The following NIBAN1 variants were observed in gnomAD, a reference collection of about 807,000 sequenced individuals.
The protein encoded by NIBAN1 is niban apoptosis regulator 1.
A neutral mutation model predicts 75.1 loss-of-function variants in NIBAN1; 81 were observed. The observed-to-expected ratio is 1.08, with a 90% confidence interval of 0.90 to 1.30. NIBAN1 has a LOEUF of 1.30. Ranked by LOEUF, NIBAN1 falls within the 50% of genes most tolerant of loss-of-function variation. The probability of loss-of-function intolerance (pLI) is 0.00; values close to 1 mark genes in which losing one functional copy is unlikely to be tolerated. For synonymous variants in NIBAN1, 436 were observed against 424.8 expected, an observed-to-expected ratio of 1.03 and a Z score of -0.32; for missense variants, 1,133 against 1,128.1, an observed-to-expected ratio of 1.00 and a Z score of -0.06.
chr1:184,895,871 G>A (rs1656784854), intron 2 of NIBAN1, among the ~76,000 whole-genome samples: 1 of 152,142 alleles, frequency 6.6e-6, no homozygotes, highest in South Asian at 2.1e-4. Flanking sequence ...CTCCATCCAT[G>A]TTGTTGCAAA....
intron 5 of NIBAN1, among the ~76,000 whole-genome samples, chr1:184,872,459 AT>A (rs1211232111): frequency 6.6e-6 from 1 of 152,224 alleles, no homozygotes; most frequent in East Asian, 1.9e-4. Context: ...TAATGCCAGC[AT>A]TTTGGGAGGC....
intron 4 of NIBAN1, among the ~76,000 whole-genome samples, chr1:184,888,417 T>G (rs1287368606): frequency 1.3e-5 from 2 of 152,182 alleles, no homozygotes; most frequent in Non-Finnish European, 2.9e-5. Context: ...CATTGATCCT[T>G]TGCATTTAAA....
chr1:184,798,298 A>G (rs968858961), intron 12 of NIBAN1, 108 bp from the exon 13 acceptor site: 41 of 645,112 alleles, frequency 6.4e-5, no homozygotes, highest in South Asian at 3.7e-4. Context: ...CTTGGAGGGC[A>G]TAAGAGAAGG....
At chr1:184,831,006 A>AT (rs1286018542) in intron 6 of NIBAN1, among the ~76,000 whole-genome samples, 4 of 151,622 alleles carry the variant, frequency 2.6e-5, no homozygotes, top group Non-Finnish European at 5.9e-5. Context: ...CTCAAAAAAA[A>AT]AAAAATAGCA....
intron 9 of NIBAN1, among the ~76,000 whole-genome samples, chr1:184,815,878 G>A (rs1019147865): frequency 3.9e-5 from 6 of 152,174 alleles, no homozygotes; most frequent in Non-Finnish European, 8.8e-5. Flanking sequence ...TAGACTAAAA[G>A]GCAATAATTA....
At chr1:184,933,209 A>T (rs1657870766) in intron 1 of NIBAN1, among the ~76,000 whole-genome samples, 1 of 152,242 alleles carries the variant, frequency 6.6e-6, no homozygotes, top group African/African-American at 2.4e-5. Flanking sequence ...CCCCTGCTGC[A>T]GTGCCCTTTC....
chr1:184,890,476 G>C (rs901078570), intron 3 of NIBAN1, among the ~76,000 whole-genome samples: 3 of 152,182 alleles, frequency 2.0e-5, no homozygotes, highest in Non-Finnish European at 2.9e-5. Flanking sequence ...ATTTACCCTA[G>C]GTATGTTCTC....
At chr1:184,899,431 T>A (rs1448670139) in intron 1 of NIBAN1, 122 bp from the exon 2 acceptor site, 2 of 997,760 alleles carry the variant, frequency 2.0e-6, no homozygotes, top group Admixed American at 2.4e-5. Context: ...CCTGTTTCTA[T>A]CCCTCCAGTC....
In NIBAN1 at chr1:184,974,383, G is replaced by A; in HGVS notation, c.-27C>T. The A allele has an allele frequency of 6.5e-7, 1 of 1,544,228 alleles. No homozygotes were observed. Among genetic ancestry groups the A allele is most frequent in the Non-Finnish European group, 8.7e-7 (1 of 1,150,902 alleles). On this transcript the variant is annotated 5_prime_UTR_variant, in exon 1 of 14. Coordinates refer to ENST00000367511, the MANE Select transcript of NIBAN1 (RefSeq NM_052966.4). The stretch of plus-strand genomic sequence containing the variant: ...ACCGCGAGCTGCCTGTGCTGAGCGC[G>A]GAAACTGCCCGGTCCGCGCCCGCTG...
chr1:184,874,271 T>A (rs1030939401), intron 5 of NIBAN1, among the ~76,000 whole-genome samples: 2 of 152,018 alleles, frequency 1.3e-5, no homozygotes, highest in Non-Finnish European at 2.9e-5. Context: ...AAAGGTGGGA[T>A]ATGTAGAAAA....
chr1:184,830,501 A>AG (rs1439104584), intron 6 of NIBAN1, among the ~76,000 whole-genome samples: 2 of 152,186 alleles, frequency 1.3e-5, no homozygotes, highest in Admixed American at 6.5e-5. Flanking sequence ...CAGAAAAAAA[A>AG]AGAGAGAGAG....
intron 1 of NIBAN1, among the ~76,000 whole-genome samples, chr1:184,916,737 G>T (rs1243002879): frequency 6.6e-6 from 1 of 152,044 alleles, no homozygotes; most frequent in Non-Finnish European, 1.5e-5. Flanking sequence ...AATGACTTAT[G>T]AATTGATAAA....
chr1:184,915,219 C>A (rs540633448), intron 1 of NIBAN1, among the ~76,000 whole-genome samples: 100 of 152,294 alleles, frequency 6.6e-4, no homozygotes, highest in Non-Finnish European at 1.1e-3. Context: ...TACCTCAGAC[C>A]TACTCAATCA....
intron 2 of NIBAN1, among the ~76,000 whole-genome samples, chr1:184,897,648 AC>A (rs2101986451): frequency 6.6e-6 from 1 of 152,306 alleles, no homozygotes; most frequent in South Asian, 2.1e-4. Context: ...GGCCTATTCA[AC>A]ATTTCCACAC....
intron 5 of NIBAN1, among the ~76,000 whole-genome samples, chr1:184,863,041 G>C (rs1437813920): frequency 2.6e-5 from 4 of 152,170 alleles, no homozygotes; most frequent in African/African-American, 9.6e-5. Context: ...TTCTCACCAG[G>C]TTTTATTAGT....
At chr1:184,878,907 G>C (rs1656302655) in intron 5 of NIBAN1, among the ~76,000 whole-genome samples, 1 of 152,168 alleles carries the variant, frequency 6.6e-6, no homozygotes, top group Non-Finnish European at 1.5e-5. Flanking sequence ...CCCAAATTTA[G>C]AGTTTCATGG....
rs200140118 is a variant in NIBAN1 at position 184,859,188 on chromosome 1, T to TTAAATAAA, written c.601+25437_601+25444dup. ...TGTGTATGTATATATATGTGCGGTTTTAAATAAATAAATAAATATATATAT... is the reference window on the plus strand; with the variant it reads ...TGTGTATGTATATATATGTGCGGTTTTAAATAAATAAATAAATAAATAAATATATATAT... On this transcript the variant is annotated intron_variant, in intron 5 of 13. Coordinates refer to ENST00000367511, the MANE Select transcript of NIBAN1 (RefSeq NM_052966.4). 7.2e-5 allele frequency among the ~76,000 whole-genome samples: 11 copies of TTAAATAAA among 151,818 alleles called. No individual in the cohort carries two copies. The South Asian group carries it at 1.7e-3, about 23-fold the overall frequency.
rs150140653 is a variant in NIBAN1, at chr1:184,890,569, A to T, written c.319-347T>A. ...AGATGCTAACAACTAAATCATTCTGATAATAACCACAAAGGTGACGATCAC... is the reference window on the plus strand; with the variant it reads ...AGATGCTAACAACTAAATCATTCTGTTAATAACCACAAAGGTGACGATCAC... On this transcript the variant is annotated intron_variant, in intron 3 of 13. Coordinates refer to ENST00000367511, the MANE Select transcript of NIBAN1 (RefSeq NM_052966.4). Among the ~76,000 whole-genome samples the T allele has an allele frequency of 4.6e-3, 705 of 152,328 alleles. 7 individuals are homozygous for T. Among genetic ancestry groups the T allele is most frequent in the Non-Finnish European group, 4.2e-3 (287 of 68,028 alleles).
intron 5 of NIBAN1, among the ~76,000 whole-genome samples, chr1:184,858,206 T>A (rs1245306677): frequency 6.6e-6 from 1 of 151,944 alleles, no homozygotes; most frequent in African/African-American, 2.4e-5. Context: ...TATCTAAATG[T>A]TCAGAGTTCT....
Sources: allele counts gnomAD v4.1 joint callset (sites outside exome capture counted in the v4.1 genomes callset), GRCh38; gene constraint gnomAD v4.1.1; transcripts MANE v1.5; gene names NCBI Gene and HGNC (gene_info 2026-07-23, HGNC 2026-07-21).